The following SLC9A9 variants were observed in gnomAD, a reference collection of about 807,000 sequenced individuals.
SLC9A9 encodes sodium/hydrogen exchanger 9.
In SLC9A9, 62 loss-of-function variants were observed where a neutral mutation model predicts 77.8. That is an observed-to-expected ratio of 0.80 (90% confidence interval 0.65 to 0.98). The LOEUF (loss-of-function observed/expected upper bound fraction) is 0.98. Ranked by LOEUF, SLC9A9 falls within the 50% of genes least tolerant of loss-of-function variation. SLC9A9 has a pLI of 0.00. For missense variants in SLC9A9, 775 were observed against 774.9 expected, an observed-to-expected ratio of 1.00 and a Z score of 0.00; for synonymous variants, 320 against 283.5, an observed-to-expected ratio of 1.13 and a Z score of -1.29.
At chr3:143,816,456 T>C (rs528976608) in intron 2 of SLC9A9, among the ~76,000 whole-genome samples, 57 of 152,356 alleles carry the variant, frequency 3.7e-4, no homozygotes, top group South Asian at 2.5e-3. Flanking sequence ...AGGCATCCTC[T>C]TGCCTTTCAC....
intron 6 of SLC9A9, among the ~76,000 whole-genome samples, chr3:143,590,204 T>C (rs1268791016): frequency 6.6e-6 from 1 of 152,240 alleles, no homozygotes; most frequent in Non-Finnish European, 1.5e-5. Context: ...TACTTATCTG[T>C]CTCAGCATCT....
At chr3:143,693,066 T>C in intron 5 of SLC9A9, 126 bp downstream of exon 5, 1 of 702,280 alleles carries the variant, frequency 1.4e-6, no homozygotes, top group Non-Finnish European at 2.5e-6. Flanking sequence ...CTAACAGATA[T>C]GTCAACTGCA....
intron 6 of SLC9A9, among the ~76,000 whole-genome samples, chr3:143,624,901 G>A (rs1576618552): frequency 6.6e-6 from 1 of 152,164 alleles, no homozygotes; most frequent in African/African-American, 2.4e-5. Context: ...AAGCTGATAA[G>A]CAACTTCAGC....
At chr3:143,645,841 C>T (rs907656564) in intron 6 of SLC9A9, among the ~76,000 whole-genome samples, 2 of 151,826 alleles carry the variant, frequency 1.3e-5, no homozygotes, top group Admixed American at 1.3e-4. Flanking sequence ...GGAATAAAGA[C>T]ATCTAGTATG....
intron 4 of SLC9A9, among the ~76,000 whole-genome samples, chr3:143,712,550 C>A (rs150282868): frequency 1.1e-3 from 165 of 150,756 alleles, no homozygotes; most frequent in African/African-American, 3.8e-3. Flanking sequence ...AGCTCTTTGA[C>A]CCTAGGCAAG....
In SLC9A9 at chr3:143,540,994, C is replaced by A. The variant is rs185553717; in HGVS notation, c.1089+11368G>T. Among the ~76,000 whole-genome samples the A allele has an allele frequency of 2.2e-4, 33 of 152,302 alleles. No homozygotes were observed. In the East Asian group the frequency reaches 6.0e-3, roughly 28 times the overall value. On this transcript the variant is annotated intron_variant, in intron 9 of 15. Transcript: ENST00000316549. The stretch of plus-strand genomic sequence containing the variant: ...TCAACCATATACGAAATTAAAAGCA[C>A]TATCAAACAATTTCTTCCAAAAATG...
intron 14 of SLC9A9, among the ~76,000 whole-genome samples, chr3:143,306,061 A>T (rs191467424): frequency 6.8e-4 from 97 of 143,192 alleles, no homozygotes; most frequent in African/African-American, 2.4e-3. Context: ...GAATTTCTTT[A>T]AAAAAAAAAC....
intron 14 of SLC9A9, among the ~76,000 whole-genome samples, chr3:143,283,538 C>T (rs1938287361): frequency 1.3e-5 from 2 of 152,222 alleles, no homozygotes; most frequent in East Asian, 3.8e-4. Context: ...AGATAACTGG[C>T]TCCTCAGGCA....
chr3:143,539,290 A>G (rs76878529), intron 9 of SLC9A9, among the ~76,000 whole-genome samples: 6,732 of 152,270 alleles, frequency 0.044, 237 homozygotes, highest in South Asian at 0.092. Flanking sequence ...GGAGTTATAT[A>G]TCATATCTCC....
chr3:143,543,499 G>C (rs538588367), intron 9 of SLC9A9, among the ~76,000 whole-genome samples: 18 of 152,110 alleles, frequency 1.2e-4, no homozygotes, highest in African/African-American at 4.3e-4. Flanking sequence ...CCTAGGTAGT[G>C]AGCATAGTAC....
intron 5 of SLC9A9, among the ~76,000 whole-genome samples, chr3:143,681,227 G>T (rs770314176): frequency 1.2e-4 from 18 of 152,034 alleles, no homozygotes; most frequent in Non-Finnish European, 2.1e-4. Context: ...GAATTATCCA[G>T]TTTCAAGTTT....
chr3:143,837,580 G>A (rs934143474), intron 1 of SLC9A9, among the ~76,000 whole-genome samples: 2 of 152,024 alleles, frequency 1.3e-5, no homozygotes, highest in Non-Finnish European at 2.9e-5. Context: ...AGGTCCTATT[G>A]ATCGCCAGCC....
chr3:143,829,731 T>G (rs2108887468), intron 2 of SLC9A9, among the ~76,000 whole-genome samples: 1 of 152,330 alleles, frequency 6.6e-6, no homozygotes, highest in South Asian at 2.1e-4. Flanking sequence ...GTAGCGTTAT[T>G]TTTGGAAGTA....
At chr3:143,371,281 G>T (rs2033052921) in intron 13 of SLC9A9, among the ~76,000 whole-genome samples, 1 of 152,022 alleles carries the variant, frequency 6.6e-6, no homozygotes. Flanking sequence ...TGAGACCTCA[G>T]AAAAAAAGCA....
intron 12 of SLC9A9, among the ~76,000 whole-genome samples, chr3:143,445,062 G>A (rs1477290769): frequency 6.6e-6 from 1 of 152,052 alleles, no homozygotes; most frequent in Non-Finnish European, 1.5e-5. Flanking sequence ...AACATTCTAG[G>A]TCAGAAAGTA....
At chr3:143,822,465 G>A (rs80099341) in intron 2 of SLC9A9, among the ~76,000 whole-genome samples, 3,047 of 152,300 alleles carry the variant, frequency 0.02, 89 homozygotes, top group African/African-American at 0.063. Context: ...GGGAGCAGCT[G>A]GGAGACTCCA....
intron 4 of SLC9A9, among the ~76,000 whole-genome samples, chr3:143,737,742 T>A (rs1934978162): frequency 6.6e-6 from 1 of 152,216 alleles, no homozygotes. Context: ...TTACTTAATT[T>A]TCTTTTAAAT....
rs112229690 is a variant in SLC9A9, at chr3:143,839,428, A to C, written c.176-7207T>G. ...TATGAAAACTGCCAGAAAGTCCCAA[A>C]CATCAGATCCTCCATCAGAGTGGGG... On this transcript the variant is annotated intron_variant, in intron 1 of 15. Coordinates refer to ENST00000316549, the MANE Select transcript of SLC9A9 (RefSeq NM_173653.4). Among the ~76,000 whole-genome samples, 567 of 152,258 alleles carry C rather than the reference A, an allele frequency of 3.7e-3. 5 individuals carry two copies. The highest frequency in any genetic ancestry group is 0.013 in the African/African-American group (545 of 41,530).
chr3:143,414,870 T>C (rs1212866994), intron 12 of SLC9A9, among the ~76,000 whole-genome samples: 2 of 152,202 alleles, frequency 1.3e-5, no homozygotes, highest in East Asian at 3.9e-4. Context: ...AAAGCCAAGG[T>C]AGGCTGAGAG....
Sources: gnomAD v4.1 joint callset for allele counts (sites outside exome capture counted in the v4.1 genomes callset) on GRCh38, gnomAD v4.1.1 for gene constraint, MANE v1.5 for transcripts, NCBI Gene and HGNC (gene_info 2026-07-23, HGNC 2026-07-21) for gene names.